The following STARD8 variants were observed in gnomAD, a reference collection of about 807,000 sequenced individuals.
STARD8 encodes StAR related lipid transfer domain containing 8.
STARD8 carries 25 observed loss-of-function variants against 69.4 expected under a neutral mutation model. The observed-to-expected ratio is 0.36, with a 90% CI of 0.26 to 0.50. STARD8 has a LOEUF of 0.50. Among genes scored for constraint, STARD8 ranks in the 20% least tolerant of loss-of-function variants. The pLI, the probability that STARD8 is intolerant of heterozygous loss-of-function variation, is 0.96. For missense variants in STARD8, 921 were observed against 932.5 expected (o/e 0.99, Z 0.16); for synonymous variants, 389 against 374.6 (o/e 1.04, Z -0.45).
At chrX:68,722,767 C>T (rs2080163229) in intron 12 of STARD8, 121 bp downstream of exon 12, 7 of 654,477 alleles carry the variant, frequency 1.1e-5, no homozygotes, top group South Asian at 5.7e-5. Context: ...CGCTGTGCCT[C>T]GGCCTGGTCC....
In STARD8 at chrX:68,720,424, G is replaced by A. The variant is rs757188783; in HGVS notation, c.2049+1G>A. On this transcript the variant is annotated splice_donor_variant, in intron 8 of 14. Transcript: ENST00000374599. LOFTEE classifies it high-confidence loss of function. ...CTTGCGCAGCCAGTGCCTGGACCAA[G>A]TGAGCCCTCGTGGGGCAGCCTGCCG... 8.6e-7 allele frequency: 1 copy of A among 1,165,656 alleles called. No homozygotes were observed. The highest frequency in any genetic ancestry group is 2.0e-5 in the South Asian group (1 of 49,852).
At position 68,723,496 on chromosome X, in the gene STARD8, G is replaced by A. The variant is rs938320348; in HGVS notation, c.2800-130G>A. The A allele has an allele frequency of 2.2e-5, 12 of 555,413 alleles. No homozygotes were observed. In the East Asian group the frequency reaches 2.9e-4, roughly 13 times the overall value. The allele number at this position is 555,413 out of a possible 1,213,427, so 45.8% of individuals were successfully genotyped here. Reference sequence around the variant, plus strand: ...GGAGCACTGTCTCAGTCTGGCCAGCGCTAGCAGAGGAGCTCTGCAGCCTAC... The same window carrying A: ...GGAGCACTGTCTCAGTCTGGCCAGCACTAGCAGAGGAGCTCTGCAGCCTAC... On this transcript the variant is annotated intron_variant, in intron 12 of 14. Transcript: ENST00000374599.
chrX:68,650,461 G>A (rs1602530436), intron 1 of STARD8, among the ~76,000 whole-genome samples: 1 of 76,813 alleles, frequency 1.3e-5, no homozygotes, highest in Non-Finnish European at 2.4e-5. Flanking sequence ...GGAGGAAGAG[G>A]AGGAGGGGAG....
rs1054948071 is a variant in STARD8 at position 68,716,353 on chromosome X, TC to T, written c.234-13del. 9 of 1,207,238 alleles carry T rather than the reference TC, an allele frequency of 7.5e-6. No individual in the cohort carries two copies. The highest frequency in any genetic ancestry group is 1.0e-5 in the Non-Finnish European group (9 of 893,469). ...GGATGGGGACCCTTGGTTGGACACT[TC>T]CATTTTGTTACAGGAGGCTGATGAC... On this transcript the variant is annotated splice_polypyrimidine_tract_variant and intron_variant, in intron 4 of 14. Coordinates refer to ENST00000374599, the MANE Select transcript of STARD8 (RefSeq NM_001142503.3).
At position 68,724,497 on chromosome X, in the gene STARD8, G is replaced by A; in HGVS notation, c.*75G>A. ...GGGAGCGAGGGGGAATAAGAGCAGG[G>A]CAGCCCCCTGGGTGCCGCTGTCAGG... On this transcript the variant is annotated 3_prime_UTR_variant, in exon 15 of 15. Coordinates refer to ENST00000374599, the MANE Select transcript of STARD8 (RefSeq NM_001142503.3). 2 of 923,826 alleles carry A rather than the reference G, an allele frequency of 2.2e-6. No homozygotes were observed. The highest frequency in any genetic ancestry group is 3.0e-6 in the Non-Finnish European group (2 of 658,277). 76.1% of individuals were successfully genotyped at this position (923,826 alleles called of 1,213,427 possible).
rs974502667 is a variant in STARD8 at position 68,649,582 on chromosome X, C to T, written c.45+1655C>T. ...TTATTTGGAGACTGTTGTGTCCTTC[C>T]TGTGGGGGTGGGGATTCAAATGATC... On this transcript the variant is annotated intron_variant, in intron 1 of 14. Transcript: ENST00000374599. Among the ~76,000 whole-genome samples the T allele has an allele frequency of 4.5e-5, 5 of 110,901 alleles. No individual in the cohort carries two copies. The Admixed American group carries it at 4.9e-4, about 11-fold the overall frequency.
intron 2 of STARD8, among the ~76,000 whole-genome samples, chrX:68,695,243 C>T (rs781568562): frequency 2.7e-5 from 3 of 110,785 alleles, no homozygotes; most frequent in African/African-American, 6.6e-5. Flanking sequence ...GGGTGGCTTT[C>T]GCAGTGGGAA....
At chrX:68,720,065 C>CT (rs1270739171) in intron 7 of STARD8, among the ~76,000 whole-genome samples, 199 bp from the exon 8 acceptor site, 3 of 112,474 alleles carry the variant, frequency 2.7e-5, no homozygotes, top group Non-Finnish European at 3.8e-5. Context: ...ACACAGTTAT[C>CT]TCCTTGGCCA....
chrX:68,717,531 A>G lies in STARD8; in HGVS notation c.617A>G (p.Asn206Ser). Residue 206 changes from asparagine (N) to serine (S), a missense_variant, in exon 6 of 15, where the codon AAC becomes AGC. Physicochemically the swap from Asn to Ser is conservative, Grantham distance 46. Coordinates refer to ENST00000374599, the MANE Select transcript of STARD8 (RefSeq NM_001142503.3). ...GACAAAGCCAAGAAGCGCCATCGTAACCGTAGCTTCCTCAAGCACCTTGAA... is the reference window on the plus strand; with the variant it reads ...GACAAAGCCAAGAAGCGCCATCGTAGCCGTAGCTTCCTCAAGCACCTTGAA... Reference protein sequence around the residue: ...PQDKAKKRHRNRSFLKHLESL... With the variant: ...PQDKAKKRHRSRSFLKHLESL... The G allele has an allele frequency of 8.3e-7, 1 of 1,211,051 alleles. No individual in the cohort carries two copies. Among genetic ancestry groups the G allele is most frequent in the Non-Finnish European group, 1.1e-6 (1 of 895,519 alleles).
chrX:68,658,532 C>G (rs1348218950), intron 1 of STARD8, among the ~76,000 whole-genome samples: 2 of 112,124 alleles, frequency 1.8e-5, no homozygotes, highest in African/African-American at 3.2e-5. Context: ...AATGCTGCTC[C>G]CAAATGTCAG....
rs138099266 is a variant in STARD8, at chrX:68,718,137, C to T, written c.1223C>T (p.Ala408Val). Residue 408 changes from alanine (A) to valine (V), a missense_variant, in exon 6 of 15, where the codon GCC (alanine) becomes GTC (valine). By Grantham distance (64) the Ala-to-Val change is moderately conservative. Transcript: ENST00000374599. ...CAACGAGTAGAGCTGTGGTCTCGGG[C>T]CATGTACCCAGACCTGGGGCCTGGA... is the stretch of plus-strand genomic sequence containing the variant. ...LQQRVELWSR[A>V]MYPDLGPGDE... The T allele has an allele frequency of 9.3e-5, 112 of 1,209,898 alleles. No homozygotes were observed. The African/African-American group carries it at 1.5e-3, about 16-fold the overall frequency.
At chrX:68,661,568 T>C (rs2079644511) in intron 1 of STARD8, among the ~76,000 whole-genome samples, 1 of 111,670 alleles carries the variant, frequency 9.0e-6, no homozygotes, top group African/African-American at 3.3e-5. Flanking sequence ...TCCACAGACT[T>C]TTTTGAATTC....
In STARD8 at chrX:68,719,322, C is replaced by T. The variant is rs2080126747; in HGVS notation, c.1813C>T (p.Leu605=). 2.5e-6 allele frequency: 3 copies of T among 1,209,754 alleles called. No individual in the cohort carries two copies. Among genetic ancestry groups the T allele is most frequent in the Non-Finnish European group, 3.4e-6 (3 of 894,347 alleles). The change falls in exon 7 of 15, where the codon CTG becomes TTG. Residue 605 remains leucine, a synonymous_variant. Coordinates refer to ENST00000374599, the MANE Select transcript of STARD8 (RefSeq NM_001142503.3). The stretch of plus-strand genomic sequence containing the variant: ...GCAGTTTGCAGGCCAGATCAACCTC[C>T]TGCACAAGGGCTCACTGCTGCGGCT... ...NRQFAGQINL[L]HKGSLLRLTA...
At chrX:68,659,588 G>A (rs1390334169) in intron 1 of STARD8, among the ~76,000 whole-genome samples, 2 of 111,494 alleles carry the variant, frequency 1.8e-5, no homozygotes, top group African/African-American at 3.3e-5. Context: ...CGCCTCTCCC[G>A]GAAAGACTCT....
intron 4 of STARD8, 105 bp from the exon 5 acceptor site, chrX:68,716,263 G>A (rs2080090210): frequency 2.7e-6 from 2 of 745,192 alleles, no homozygotes; most frequent in African/African-American, 4.2e-5. Flanking sequence ...GAGCTTGCGA[G>A]AAGTTTTGAT....
At chrX:68,710,712 C>T (rs142008243) in intron 2 of STARD8, among the ~76,000 whole-genome samples, 115 of 112,362 alleles carry the variant, frequency 1.0e-3, no homozygotes, top group African/African-American at 3.6e-3. Context: ...TCCTGGCATG[C>T]AGGCCTACCC....
At chrX:68,648,068 T>C (rs2079526159) in intron 1 of STARD8, 141 bp downstream of exon 1, 1 of 743,130 alleles carries the variant, frequency 1.3e-6, no homozygotes, top group African/African-American at 2.2e-5. Context: ...AAGGCTTGGG[T>C]TCAAGTCTCA....
chrX:68,723,640 C>A lies in STARD8; in HGVS notation c.2814C>A (p.His938Gln), dbSNP rs1001143170. The change falls in exon 13 of 15, where the codon CAC becomes CAA. Residue 938 changes from histidine (H) to glutamine (Q), a missense_variant. Coordinates refer to ENST00000374599, the MANE Select transcript of STARD8 (RefSeq NM_001142503.3). ...ELACRKAPDG[H>Q]PLRLWKASTE... ...GTGGCTCACAGGCACCGGATGGGCA[C>A]CCCCTGCGGCTATGGAAGGCATCCA... 1 of 1,194,969 alleles carries A rather than the reference C, an allele frequency of 8.4e-7. No homozygotes were observed. Among genetic ancestry groups the A allele is most frequent in the Non-Finnish European group, 1.1e-6 (1 of 887,616 alleles).
chrX:68,669,081 A>G (rs182124865), intron 2 of STARD8, among the ~76,000 whole-genome samples: 32 of 111,666 alleles, frequency 2.9e-4, no homozygotes, highest in Non-Finnish European at 4.5e-4. Context: ...AAGACATGCT[A>G]CATGCTCTCA....
Sources: gnomAD v4.1 joint callset for allele counts (sites outside exome capture counted in the v4.1 genomes callset) on GRCh38, gnomAD v4.1.1 for gene constraint, MANE v1.5 for transcripts, NCBI Gene and HGNC (gene_info 2026-07-23, HGNC 2026-07-21) for gene names.